NXPE2: variants seen among roughly 807,000 people sequenced by gnomAD.
The protein encoded by NXPE2 is NXPE family member 2.
Under a neutral mutation model 34.4 loss-of-function variants are expected in NXPE2, and 34 were observed. The observed-to-expected ratio is 0.99, with a 90% confidence interval of 0.75 to 1.31. The LOEUF is 1.31. Ranked by LOEUF, NXPE2 falls within the 40% of genes most tolerant of loss-of-function variation. The pLI, the probability that NXPE2 is intolerant of heterozygous loss-of-function variation, is 0.00. For missense variants in NXPE2, 649 were observed against 672.5 expected (o/e 0.97, Z 0.39); for synonymous variants, 235 against 231.3 (o/e 1.02, Z -0.15).
chr11:114,604,778 T>C, the NXPE2 span, among the ~76,000 whole-genome samples: 2 of 152,040 alleles, frequency 1.3e-5, no homozygotes, highest in African/African-American at 4.8e-5. Flanking sequence ...TGTTACCCAG[T>C]GGATAATAAG....
the NXPE2 span, among the ~76,000 whole-genome samples, chr11:114,719,316 T>C: frequency 6.6e-6 from 1 of 152,164 alleles, no homozygotes; most frequent in African/African-American, 2.4e-5. Flanking sequence ...ATAACCATTC[T>C]AGGAAACAAG....
the NXPE2 span, among the ~76,000 whole-genome samples, chr11:114,478,718 A>G: frequency 3.9e-5 from 6 of 152,170 alleles, no homozygotes; most frequent in Admixed American, 2.6e-4. Context: ...TTCTTGGTTT[A>G]TTCACTATCT....
At chr11:114,739,351 T>A in the NXPE2 span, among the ~76,000 whole-genome samples, 1 of 44,686 alleles carries the variant, frequency 2.2e-5, no homozygotes, top group Non-Finnish European at 3.9e-5. Context: ...CCCCTTCCTC[T>A]CTCCCTCCCT....
chr11:114,530,112 T>C, the NXPE2 span: 1 of 1,489,910 alleles, frequency 6.7e-7, no homozygotes, highest in African/African-American at 1.4e-5. Flanking sequence ...CAATGGGCAA[T>C]GTAGCTCTGA....
chr11:114,804,726 G>A, the NXPE2 span, among the ~76,000 whole-genome samples: 2 of 152,158 alleles, frequency 1.3e-5, no homozygotes, highest in East Asian at 1.9e-4. Flanking sequence ...TGAGTGAGTT[G>A]CTTTGTAGCT....
At chr11:114,601,214 A>G in the NXPE2 span, among the ~76,000 whole-genome samples, 3 of 151,514 alleles carry the variant, frequency 2.0e-5, no homozygotes, top group East Asian at 5.8e-4. Context: ...ATTTTACCCA[A>G]TAAGTAATTT....
the NXPE2 span, among the ~76,000 whole-genome samples, chr11:114,496,364 C>T: frequency 6.6e-6 from 1 of 152,168 alleles, no homozygotes; most frequent in Admixed American, 6.5e-5. Context: ...TCCCTCTATG[C>T]CATGCCACTG....
the NXPE2 span, among the ~76,000 whole-genome samples, chr11:114,507,577 G>A: frequency 2.6e-5 from 4 of 152,020 alleles, no homozygotes; most frequent in African/African-American, 2.4e-5. Flanking sequence ...GGGATGCAAG[G>A]TTAGTTCAAC....
At chr11:114,725,858 C>T in the NXPE2 span, among the ~76,000 whole-genome samples, 11 of 151,298 alleles carry the variant, frequency 7.3e-5, no homozygotes, top group African/African-American at 2.7e-4. Context: ...GACAACTGAA[C>T]CTAACTTTAT....
the NXPE2 span, among the ~76,000 whole-genome samples, chr11:114,742,715 AAG>A: frequency 8.0e-5 from 12 of 149,680 alleles, no homozygotes; most frequent in African/African-American, 2.7e-4. Context: ...GTATTGGTCA[AAG>A]TGGATGTTTC....
chr11:114,659,523 A>G, the NXPE2 span, among the ~76,000 whole-genome samples: 3 of 151,660 alleles, frequency 2.0e-5, no homozygotes, highest in Non-Finnish European at 4.4e-5. Flanking sequence ...TAACAAAAAA[A>G]GTTTGGAAAA....
chr11:114,585,347 T>A, the NXPE2 span, among the ~76,000 whole-genome samples: 5 of 152,024 alleles, frequency 3.3e-5, no homozygotes, highest in Non-Finnish European at 7.4e-5. Flanking sequence ...GAGTAGATTT[T>A]AAAAAAACAA....
At chr11:114,581,880 G>T in the NXPE2 span, 1 of 848,256 alleles carries the variant, frequency 1.2e-6, no homozygotes, top group Non-Finnish European at 1.9e-6. Context: ...TTATTTCTTA[G>T]AGATAAGTCA....
At chr11:114,696,365 A>G (rs1951256468) in intron 2 of NXPE2, among the ~76,000 whole-genome samples, 1 of 150,842 alleles carries the variant, frequency 6.6e-6, no homozygotes, top group African/African-American at 2.4e-5. Flanking sequence ...AAAAAGAAAG[A>G]AAAGAAAAGA....
the NXPE2 span, among the ~76,000 whole-genome samples, chr11:114,504,066 T>C: frequency 1.3e-5 from 2 of 152,178 alleles, no homozygotes; most frequent in African/African-American, 2.4e-5. Flanking sequence ...GCCTGCAAGT[T>C]TCCCCCCTAT....
the NXPE2 span, chr11:114,530,586 G>A: frequency 1.2e-6 from 2 of 1,614,102 alleles, no homozygotes; most frequent in Admixed American, 1.7e-5. Context: ...GGACATCCTG[G>A]CCCTCAGGAA....
chr11:114,471,691 C>A, the NXPE2 span, among the ~76,000 whole-genome samples: 1,980 of 152,216 alleles, frequency 0.013, 48 homozygotes, highest in African/African-American at 0.046. Context: ...ATGGTCATTT[C>A]CTATTGGTTG....
the NXPE2 span, among the ~76,000 whole-genome samples, chr11:114,577,212 C>T: frequency 1.1e-4 from 17 of 149,524 alleles, no homozygotes; most frequent in African/African-American, 3.9e-4. Context: ...TGGAATACTA[C>T]TCAGCCATGA....
At chr11:114,650,081 A>G in the NXPE2 span, among the ~76,000 whole-genome samples, 24 of 152,200 alleles carry the variant, frequency 1.6e-4, no homozygotes, top group African/African-American at 5.5e-4. Context: ...TGAGAAAAAA[A>G]ATCCAGGTAA....
Sources: gnomAD v4.1 joint callset for allele counts (sites outside exome capture counted in the v4.1 genomes callset) on GRCh38, gnomAD v4.1.1 for gene constraint, MANE v1.5 for transcripts, NCBI Gene and HGNC (gene_info 2026-07-23, HGNC 2026-07-21) for gene names.